The following ORC2 variants were observed in gnomAD, a reference collection of about 807,000 sequenced individuals.
ORC2 encodes the protein origin recognition complex protein 2 homolog.
A neutral mutation model predicts 77.7 loss-of-function variants in ORC2; 37 were observed. The observed-to-expected ratio is 0.48, with a 90% CI of 0.37 to 0.63. The LOEUF is 0.63. ORC2 is among the 20% of genes least tolerant of loss of function. ORC2 has a pLI of 0.00. For synonymous variants in ORC2, 201 were observed against 229.5 expected (o/e 0.88, Z 1.12); for missense variants, 557 against 661.9 (o/e 0.84, Z 1.74).
rs2040639156 is a variant in ORC2 at position 200,915,821 on chromosome 2, G to A, written c.1467-1829C>T. Among the ~76,000 whole-genome samples the A allele has an allele frequency of 2.0e-5, 3 of 152,102 alleles. No homozygotes were observed. In the South Asian group the frequency reaches 6.2e-4, roughly 32 times the overall value. ...CGATTTTCATGCCTCAGACTCCTGA[G>A]TAGTTGCGATTACAGGTGGACACCA... On this transcript the variant is annotated intron_variant, in intron 15 of 17. Transcript: ENST00000234296.
At chr2:200,963,326 G>A (rs891121758) in intron 1 of ORC2, 164 bp downstream of exon 1, 13 of 397,194 alleles carry the variant, frequency 3.3e-5, no homozygotes, top group Non-Finnish European at 5.8e-5. Context: ...GGGCAGCGAG[G>A]CGCAAAGACC....
Position 200,941,214 on chromosome 2 carries a change from C to G in ORC2, c.453+34G>C, listed in dbSNP as rs779266921. The G allele has an allele frequency of 1.9e-6, 3 of 1,581,506 alleles. No individual in the cohort carries two copies. The South Asian group carries it at 3.4e-5, about 18-fold the overall frequency. ...TTTTTCATCATGTCTTACTTTGTAACACTAAGGCTTTTGCTTTTTAGTCAA... is the reference window on the plus strand; with the variant it reads ...TTTTTCATCATGTCTTACTTTGTAAGACTAAGGCTTTTGCTTTTTAGTCAA... On this transcript the variant is annotated intron_variant, in intron 7 of 17. Transcript: ENST00000234296.
At chr2:200,937,201 T>G (rs897967854) in intron 8 of ORC2, among the ~76,000 whole-genome samples, 1 of 152,130 alleles carries the variant, frequency 6.6e-6, no homozygotes, top group Non-Finnish European at 1.5e-5. Flanking sequence ...TCACCTTCTC[T>G]CTAAAAAACA....
intron 13 of ORC2, among the ~76,000 whole-genome samples, 170 bp downstream of exon 13, chr2:200,925,663 CAGA>C (rs1184011280): frequency 6.6e-6 from 1 of 152,132 alleles, no homozygotes; most frequent in Non-Finnish European, 1.5e-5. Context: ...TGCTTGAGCC[CAGA>C]AGGTCAAGGC....
intron 5 of ORC2, among the ~76,000 whole-genome samples, chr2:200,949,045 C>G (rs894383967): frequency 6.6e-6 from 1 of 151,786 alleles, no homozygotes; most frequent in Non-Finnish European, 1.5e-5. Context: ...TTGAGACCAA[C>G]CTGGCCAACA....
chr2:200,912,758 C>T (rs542624122), intron 17 of ORC2, among the ~76,000 whole-genome samples: 11 of 152,316 alleles, frequency 7.2e-5, no homozygotes, highest in African/African-American at 2.6e-4. Flanking sequence ...GTGGTCTCTT[C>T]TGATATCTAT....
At chr2:200,933,435 AAT>A (rs775902704) in intron 10 of ORC2, among the ~76,000 whole-genome samples, 1 of 152,154 alleles carries the variant, frequency 6.6e-6, no homozygotes, top group Non-Finnish European at 1.5e-5. Context: ...AGGTTAAATG[AAT>A]AACAGAGATA....
intron 12 of ORC2, 62 bp downstream of exon 12, chr2:200,926,706 A>G (rs2040843392): frequency 6.5e-7 from 1 of 1,545,386 alleles, no homozygotes; most frequent in East Asian, 2.2e-5. Flanking sequence ...ATCCTCATTT[A>G]TGTGGGGGCT....
chr2:200,958,196 C>T (rs2041507762), intron 2 of ORC2, 63 bp from the exon 3 acceptor site: 1 of 909,678 alleles, frequency 1.1e-6, no homozygotes, highest in Admixed American at 1.7e-5. Context: ...CCAAATTAAA[C>T]ATTCACATAA....
chr2:200,952,949 A>G, intron 4 of ORC2, among the ~76,000 whole-genome samples: 1 of 151,716 alleles, frequency 6.6e-6, no homozygotes, highest in Non-Finnish European at 1.5e-5. Flanking sequence ...CCACCTCTAC[A>G]AAATATACAA....
intron 8 of ORC2, 134 bp from the exon 9 acceptor site, chr2:200,936,026 C>T (rs1290139198): frequency 3.3e-6 from 2 of 612,242 alleles, no homozygotes; most frequent in East Asian, 3.0e-5. Context: ...CATGATTTCA[C>T]CAGAGCTAAT....
intron 4 of ORC2, among the ~76,000 whole-genome samples, chr2:200,952,181 T>C (rs1176526173): frequency 6.6e-6 from 1 of 151,982 alleles, no homozygotes; most frequent in Non-Finnish European, 1.5e-5. Flanking sequence ...TATGGAGAAC[T>C]TGTTACTGCA....
chr2:200,950,878 A>G (rs768928247), intron 4 of ORC2, among the ~76,000 whole-genome samples: 4 of 152,244 alleles, frequency 2.6e-5, no homozygotes, highest in Non-Finnish European at 5.9e-5. Context: ...AACAATGGGT[A>G]TAAACTGAAG....
intron 5 of ORC2, among the ~76,000 whole-genome samples, chr2:200,946,059 A>G (rs2041244101): frequency 6.6e-6 from 1 of 152,150 alleles, no homozygotes; most frequent in South Asian, 2.1e-4. Context: ...TACTCTAGAT[A>G]CATTCTCTGT....
At position 200,957,493 on chromosome 2, in the gene ORC2, AT is replaced by A; in HGVS notation, c.145del (p.Ile49Ter). On this transcript the variant is annotated frameshift_variant, in exon 4 of 18. Transcript: ENST00000234296. LOFTEE classifies it high-confidence loss of function. ...CAAATCATATTCTGGCTTCTTTATT[AT>A]TTTTTTGGGGTTGACCAAAAGCTGC... ...RAQLLVNPKK[I>X]IKKPEYDLEE... The A allele has an allele frequency of 1.2e-6, 2 of 1,610,628 alleles. No homozygotes were observed. The highest frequency in any genetic ancestry group is 1.3e-5 in the African/African-American group (1 of 74,790).
At chr2:200,913,773 A>T in intron 16 of ORC2, 158 bp downstream of exon 16, 3 of 1,410,620 alleles carry the variant, frequency 2.1e-6, no homozygotes, top group Non-Finnish European at 2.8e-6. Flanking sequence ...GGATCTGTAG[A>T]GCTGCTTGAA....
At chr2:200,962,926 C>T (rs1055480463) in intron 1 of ORC2, 4 of 152,350 alleles carry the variant, frequency 2.6e-5, no homozygotes, top group Non-Finnish European at 4.4e-5. Context: ...CATTTTACAG[C>T]CAAGCATGGC....
In ORC2 at chr2:200,913,967, AT is replaced by A; in HGVS notation, c.1491del (p.Lys497AsnfsTer34). The A allele has an allele frequency of 6.4e-7, 1 of 1,551,998 alleles. No individual in the cohort carries two copies. Among genetic ancestry groups the A allele is most frequent in the Non-Finnish European group, 8.8e-7 (1 of 1,140,148 alleles). ...GGGTTATCCTGGTTGTCCAGCTGGT[AT>A]TTTATTAGTAGCCTGAAAATTCCCC... ...NARGIFRLLI[K>X]YQLDNQDNPS... is the part of the protein sequence containing the mutation. On this transcript the variant is annotated frameshift_variant, in exon 16 of 18. Transcript: ENST00000234296. LOFTEE classifies it high-confidence loss of function.
At chr2:200,932,531 G>A (rs2124978388) in intron 10 of ORC2, among the ~76,000 whole-genome samples, 1 of 151,880 alleles carries the variant, frequency 6.6e-6, no homozygotes, top group South Asian at 2.1e-4. Flanking sequence ...GTAGAGATGG[G>A]GTTTCACCAT....
Sources: allele counts gnomAD v4.1 joint callset (sites outside exome capture counted in the v4.1 genomes callset), GRCh38; gene constraint gnomAD v4.1.1; transcripts MANE v1.5; gene names NCBI Gene and HGNC (gene_info 2026-07-23, HGNC 2026-07-21).